Variants in GRIK2 observed in about 807,000 individuals in gnomAD.
The protein encoded by GRIK2 is glutamate ionotropic receptor kainate type subunit 2.
Under a neutral mutation model 100.3 loss-of-function variants are expected in GRIK2, and 32 were observed. The observed-to-expected ratio is 0.32, with a 90% CI of 0.24 to 0.43. The LOEUF (loss-of-function observed/expected upper bound fraction) is 0.43, where lower values mean the gene tolerates loss of function less well. Among genes scored for constraint, GRIK2 ranks in the 20% least tolerant of loss-of-function variants. The pLI, the probability that GRIK2 is intolerant of heterozygous loss-of-function variation, is 1.00. For synonymous variants in GRIK2, 417 were observed against 389.4 expected (o/e 1.07, Z -0.83); for missense variants, 843 against 1,114.9 (o/e 0.76, Z 3.47).
intron 7 of GRIK2, among the ~76,000 whole-genome samples, chr6:101,797,103 T>C (rs1780355315): frequency 2.0e-5 from 3 of 152,120 alleles, no homozygotes; most frequent in Non-Finnish European, 2.9e-5. Context: ...GCAATTTTCA[T>C]GAAAACTTGG....
At chr6:101,536,496 T>G (rs1189294244) in intron 2 of GRIK2, among the ~76,000 whole-genome samples, 1 of 151,626 alleles carries the variant, frequency 6.6e-6, no homozygotes, top group Non-Finnish European at 1.5e-5. Context: ...GAAAAGACAT[T>G]AACAAGGATT....
intron 2 of GRIK2, among the ~76,000 whole-genome samples, chr6:101,510,521 T>TG (rs1266293968): frequency 2.9e-5 from 4 of 138,150 alleles, no homozygotes; most frequent in Non-Finnish European, 6.3e-5. Flanking sequence ...TTTTTTTTTT[T>TG]TTTTTTTTTT....
chr6:101,400,438 A>G lies in GRIK2; in HGVS notation c.115+1046A>G, dbSNP rs188212585. ...TCAGGGAAAGTTCCCTAAAGCAGAT[A>G]AGAGGAAGAAAGGAGAAAGCCAACA... On this transcript the variant is annotated intron_variant, in intron 2 of 16. Coordinates refer to ENST00000369134, the MANE Select transcript of GRIK2 (RefSeq NM_021956.5). 4.6e-5 allele frequency among the ~76,000 whole-genome samples: 7 copies of G among 152,330 alleles called. No individual in the cohort carries two copies. In the East Asian group the frequency reaches 1.4e-3, roughly 29 times the overall value.
chr6:101,782,149 C>T (rs968258998), intron 7 of GRIK2, among the ~76,000 whole-genome samples: 4 of 152,124 alleles, frequency 2.6e-5, no homozygotes, highest in African/African-American at 7.2e-5. Flanking sequence ...GATCGAGTCA[C>T]GGTATTTGGG....
At chr6:101,697,929 G>C (rs1051941386) in intron 7 of GRIK2, among the ~76,000 whole-genome samples, 11 of 152,168 alleles carry the variant, frequency 7.2e-5, no homozygotes, top group African/African-American at 2.6e-4. Context: ...TTTGTTTCAA[G>C]ATAAATGCCC....
chr6:101,951,442 G>C (rs918853486), intron 14 of GRIK2, among the ~76,000 whole-genome samples: 1 of 152,156 alleles, frequency 6.6e-6, no homozygotes, highest in Non-Finnish European at 1.5e-5. Context: ...GCACAAATGG[G>C]TTTAAATTGA....
intron 7 of GRIK2, among the ~76,000 whole-genome samples, chr6:101,715,239 G>A (rs1773982466): frequency 6.6e-6 from 1 of 151,754 alleles, no homozygotes; most frequent in South Asian, 2.1e-4. Context: ...ATAATGTAAT[G>A]TTTTTCTGGG....
At chr6:101,983,369 A>G (rs944176482) in intron 14 of GRIK2, among the ~76,000 whole-genome samples, 12 of 151,868 alleles carry the variant, frequency 7.9e-5, no homozygotes, top group African/African-American at 2.9e-4. Flanking sequence ...TTGAGTAGAC[A>G]GGTCTGTGTG....
intron 2 of GRIK2, among the ~76,000 whole-genome samples, chr6:101,522,900 A>C (rs1272673572): frequency 6.7e-6 from 1 of 150,214 alleles, no homozygotes; most frequent in Admixed American, 6.7e-5. Flanking sequence ...AAATATATTT[A>C]TTATATATTA....
At chr6:101,549,698 C>G (rs1172747806) in intron 2 of GRIK2, among the ~76,000 whole-genome samples, 1 of 152,070 alleles carries the variant, frequency 6.6e-6, no homozygotes, top group Non-Finnish European at 1.5e-5. Flanking sequence ...ACTTAGGTAT[C>G]TGCTCTTTTT....
At chr6:101,753,557 A>G (rs1776936341) in intron 7 of GRIK2, among the ~76,000 whole-genome samples, 1 of 152,092 alleles carries the variant, frequency 6.6e-6, no homozygotes, top group African/African-American at 2.4e-5. Flanking sequence ...AACTGTTTCC[A>G]GATATACTTA....
chr6:101,474,932 AT>A lies in GRIK2; in HGVS notation c.115+75548del, dbSNP rs111992691. Among the ~76,000 whole-genome samples, 341 of 151,756 alleles carry A rather than the reference AT, an allele frequency of 2.2e-3. 1 individual carries two copies. The highest frequency in any genetic ancestry group is 7.7e-3 in the African/African-American group (320 of 41,448). On this transcript the variant is annotated intron_variant, in intron 2 of 16. Transcript: ENST00000369134. ...TAAAATGTAAATCTTTACATCAGTG[AT>A]TTTTTTTCACTCATGCAACTGACAG...
rs1176743821 is a variant in GRIK2 at position 101,684,741 on chromosome 6, G to C, written c.778-1439G>C. On this transcript the variant is annotated intron_variant, in intron 6 of 16. Coordinates refer to ENST00000369134, the MANE Select transcript of GRIK2 (RefSeq NM_021956.5). ...TGGATTTTTTTTTTTTTTTTGCTTT[G>C]GTTTGATAAAGAGTAGATAGTTATG... 2.9e-5 allele frequency among the ~76,000 whole-genome samples: 4 copies of C among 136,476 alleles called. No individual in the cohort carries two copies. In the East Asian group the frequency reaches 6.6e-4, roughly 23 times the overall value. The allele number at this position is 136,476 out of a possible 152,430, so 89.5% of individuals were successfully genotyped here.
Position 102,036,112 on chromosome 6 carries a change from T to C in GRIK2, c.2311+546T>C, listed in dbSNP as rs572929206. Among the ~76,000 whole-genome samples, 3 of 151,366 alleles carry C rather than the reference T, an allele frequency of 2.0e-5. No individual in the cohort carries two copies. The South Asian group carries it at 6.2e-4, about 31-fold the overall frequency. ...CCCCCTTCTTTCATATGGCAAATCA[T>C]TTTTAGTCAAAATAATCAAATGAGA... On this transcript the variant is annotated intron_variant, in intron 15 of 16. Transcript: ENST00000369134.
intron 12 of GRIK2, among the ~76,000 whole-genome samples, chr6:101,906,366 C>CTGTG (rs141112872): frequency 4.8e-5 from 7 of 145,828 alleles, no homozygotes; most frequent in Non-Finnish European, 9.1e-5. Context: ...AAAACAAGAT[C>CTGTG]TGTGTGTGTG....
chr6:101,794,076 C>G (rs930721813), intron 7 of GRIK2, among the ~76,000 whole-genome samples: 1 of 152,144 alleles, frequency 6.6e-6, no homozygotes, highest in Non-Finnish European at 1.5e-5. Context: ...GCGCAGTATT[C>G]GGGTGGGAGT....
At chr6:101,784,047 G>A (rs970536094) in intron 7 of GRIK2, among the ~76,000 whole-genome samples, 11 of 152,220 alleles carry the variant, frequency 7.2e-5, no homozygotes, top group Non-Finnish European at 1.6e-4. Flanking sequence ...CGTCTTCTGG[G>A]GAGGAATTCA....
At chr6:101,428,348 C>G (rs1769172036) in intron 2 of GRIK2, among the ~76,000 whole-genome samples, 1 of 152,080 alleles carries the variant, frequency 6.6e-6, no homozygotes, top group African/African-American at 2.4e-5. Context: ...AAATGCATTT[C>G]TACTGGTTAC....
At chr6:101,830,690 T>C (rs1266580545) in intron 10 of GRIK2, among the ~76,000 whole-genome samples, 1 of 151,150 alleles carries the variant, frequency 6.6e-6, no homozygotes, top group Non-Finnish European at 1.5e-5. Context: ...AGAATGGCTA[T>C]TATTAAAAAA....
Sources: allele counts gnomAD v4.1 joint callset (sites outside exome capture counted in the v4.1 genomes callset), GRCh38; gene constraint gnomAD v4.1.1; transcripts MANE v1.5; gene names NCBI Gene and HGNC (gene_info 2026-07-23, HGNC 2026-07-21).